PAX6: variants seen among roughly 807,000 people sequenced by gnomAD.
PAX6 encodes the protein paired box protein Pax-6.
Under a neutral mutation model 60.7 loss-of-function variants are expected in PAX6, and 7 were observed. That is an observed-to-expected ratio of 0.12 (90% CI 0.07 to 0.22). PAX6 has a LOEUF of 0.22. PAX6 is among the 10% of genes least tolerant of loss of function. The pLI is 1.00. For missense variants in PAX6, 355 were observed against 555.2 expected, an observed-to-expected ratio of 0.64 and a Z score of 3.62; for synonymous variants, 208 against 201.2, an observed-to-expected ratio of 1.03 and a Z score of -0.29.
At chr11:31,802,408 T>G in intron 5 of PAX6, 1 of 400,440 alleles carries the variant, frequency 2.5e-6, no homozygotes. Context: ...GTTCCCACAA[T>G]GAATGTCTTT....
At chr11:31,801,991 C>A in intron 5 of PAX6, 79 bp from the exon 6 acceptor site, 13 of 1,118,846 alleles carry the variant, frequency 1.2e-5, no homozygotes, top group Non-Finnish European at 1.8e-5. Flanking sequence ...CATTTGTAGC[C>A]CTAAAAACTA....
chr11:31,812,546 T>A (rs1592664591), upstream of PAX6: 1 of 152,346 alleles, frequency 6.6e-6, no homozygotes, highest in Non-Finnish European at 1.5e-5. Flanking sequence ...AGTCCATTTG[T>A]TGAATGCCGC....
chr11:31,810,595 C>T lies in PAX6; in HGVS notation c.-129+233G>A, dbSNP rs543900640. 3.6e-5 allele frequency: 12 copies of T among 331,890 alleles called. No individual in the cohort carries two copies. The East Asian group carries it at 5.5e-4, about 15-fold the overall frequency. 20.6% of individuals were successfully genotyped at this position (331,890 alleles called of 1,614,324 possible). ...GCGCTGGCGCTGGGGCTGAGCTGGC[C>T]GCCCGCCCCGAGCCCTGCGCCGCTC... On this transcript the variant is annotated intron_variant, in intron 2 of 13. Coordinates refer to ENST00000640368, the MANE Select transcript of PAX6 (RefSeq NM_001368894.2).
At chr11:31,807,283 G>T in intron 2 of PAX6, 1 of 152,738 alleles carries the variant, frequency 6.5e-6, no homozygotes, top group Non-Finnish European at 1.5e-5. Flanking sequence ...TGAGGGGAGA[G>T]GAATACCTGA....
chr11:31,794,545 G>T (rs1950930514), intron 9 of PAX6, 85 bp downstream of exon 9: 2 of 1,344,766 alleles, frequency 1.5e-6, no homozygotes, highest in African/African-American at 2.9e-5. Flanking sequence ...CTATGCAAAG[G>T]GCCCTGGCTA....
At chr11:31,815,689 C>T (rs554693228), upstream of PAX6, among the ~76,000 whole-genome samples, 1 of 149,486 alleles carries the variant, frequency 6.7e-6, no homozygotes, top group Non-Finnish European at 1.5e-5. Context: ...GGGCTCAATG[C>T]GAGTTTTATT....
chr11:31,796,483 T>A (rs1415317154), intron 8 of PAX6, among the ~76,000 whole-genome samples: 1 of 27,450 alleles, frequency 3.6e-5, no homozygotes, highest in African/African-American at 1.4e-4. Context: ...GGATGGAGGG[T>A]GGATGGGGGG....
chr11:31,794,608 C>G, intron 9 of PAX6, 22 bp downstream of exon 9: 1 of 1,613,950 alleles, frequency 6.2e-7, no homozygotes, highest in Non-Finnish European at 8.5e-7. Flanking sequence ...TACTGCTTCT[C>G]TACTTTGAAA....
At chr11:31,793,345 G>A in intron 12 of PAX6, 93 bp downstream of exon 12, 1 of 1,027,226 alleles carries the variant, frequency 9.7e-7, no homozygotes, top group Non-Finnish European at 1.5e-6. Flanking sequence ...AGCTCTCAAG[G>A]GTGCAGACAC....
intron 1 of PAX6, chr11:31,816,549 G>A: frequency 1.4e-6 from 1 of 702,648 alleles, no homozygotes; most frequent in Non-Finnish European, 2.6e-6. Flanking sequence ...ATGACTGGAG[G>A]AGAAGGTCCA....
At chr11:31,808,544 T>C (rs1956383675) in intron 2 of PAX6, 1 of 152,232 alleles carries the variant, frequency 6.6e-6, no homozygotes, top group Non-Finnish European at 1.5e-5. Context: ...GGAATTCCCC[T>C]AGGAGGGGTA....
intron 8 of PAX6, 31 bp from the exon 9 acceptor site, chr11:31,794,819 A>C (rs1360727859): frequency 6.2e-7 from 1 of 1,612,800 alleles, no homozygotes; most frequent in Admixed American, 1.7e-5. Context: ...TGGTAAGAGA[A>C]ATTTGGATTA....
At chr11:31,810,557 C>CGCGCTGGCGCTG (rs992804891) in intron 2 of PAX6, 8 of 270,010 alleles carry the variant, frequency 3.0e-5, no homozygotes, top group East Asian at 6.4e-5. Flanking sequence ...GAGCTCAGCC[C>CGCGCTGGCGCTG]GCGCTGGCGC....
At chr11:31,796,071 G>A (rs1476659980) in intron 8 of PAX6, among the ~76,000 whole-genome samples, 1 of 152,222 alleles carries the variant, frequency 6.6e-6, no homozygotes, top group East Asian at 1.9e-4. Context: ...ATCTTTTCAG[G>A]AACTTTGAAA....
intron 12 of PAX6, chr11:31,791,162 C>T: frequency 2.2e-6 from 1 of 456,684 alleles, no homozygotes; most frequent in Non-Finnish European, 4.1e-6. Flanking sequence ...CTAACCTCTG[C>T]TAGCATCTTT....
chr11:31,816,396 C>T, intron 1 of PAX6: 4 of 613,652 alleles, frequency 6.5e-6, no homozygotes, highest in South Asian at 1.9e-5. Context: ...AGGAGGTCCT[C>T]GGCTCGCCCT....
intron 8 of PAX6, among the ~76,000 whole-genome samples, chr11:31,796,857 C>G (rs1025329823): frequency 2.0e-5 from 3 of 152,076 alleles, no homozygotes; most frequent in Admixed American, 6.5e-5. Flanking sequence ...TGGGTCTTTG[C>G]ACTCCATCAG....
chr11:31,789,798 C>T lies in PAX6; in HGVS notation c.*136G>A. 2 of 796,416 alleles carry T rather than the reference C, an allele frequency of 2.5e-6. No homozygotes were observed. The highest frequency in any genetic ancestry group is 4.3e-6 in the Non-Finnish European group (2 of 461,256). 49.3% of individuals were successfully genotyped at this position (796,416 alleles called of 1,614,324 possible). ...CCATTCCTTCCCCAGTGGTACAATA[C>T]AGGACACAATTGTAGAACTGAAGCG... On this transcript the variant is annotated 3_prime_UTR_variant, in exon 14 of 14. Coordinates refer to ENST00000640368, the MANE Select transcript of PAX6 (RefSeq NM_001368894.2).
chr11:31,790,103 A>C (rs1174985947), intron 13 of PAX6, 84 bp from the exon 14 acceptor site: 1 of 726,388 alleles, frequency 1.4e-6, no homozygotes, highest in East Asian at 2.8e-5. Flanking sequence ...TTTACAAAAA[A>C]AAAAAAAAAA....
Sources: allele counts gnomAD v4.1 joint callset (sites outside exome capture counted in the v4.1 genomes callset), GRCh38; gene constraint gnomAD v4.1.1; transcripts MANE v1.5; gene names NCBI Gene and HGNC (gene_info 2026-07-23, HGNC 2026-07-21).